CALD1: variants seen among roughly 807,000 people sequenced by gnomAD.
CALD1 encodes caldesmon.
In CALD1, 33 loss-of-function variants were observed where a neutral mutation model predicts 99.9. The observed-to-expected ratio is 0.33, with a 90% CI of 0.25 to 0.44. The LOEUF (loss-of-function observed/expected upper bound fraction) is 0.44, where lower values mean the gene tolerates loss of function less well. CALD1 is among the 20% of genes least tolerant of loss of function. The pLI is 1.00. For synonymous variants in CALD1, 310 were observed against 325.0 expected (o/e 0.95, Z 0.50); for missense variants, 861 against 962.1 (o/e 0.89, Z 1.39).
chr7:134,965,573 C>A, intron 14 of CALD1, 187 bp downstream of exon 14: 1 of 504,980 alleles, frequency 2.0e-6, no homozygotes, highest in Non-Finnish European at 3.6e-6. Context: ...GTCAGTCATA[C>A]AACATAAACG....
At chr7:134,866,054 T>C (rs1385249394) in intron 2 of CALD1, among the ~76,000 whole-genome samples, 1 of 152,216 alleles carries the variant, frequency 6.6e-6, no homozygotes, top group Non-Finnish European at 1.5e-5. Flanking sequence ...ACCCTCCCAC[T>C]GCACCTGGCA....
At chr7:134,838,045 G>A (rs1196147534) in intron 1 of CALD1, among the ~76,000 whole-genome samples, 1 of 152,154 alleles carries the variant, frequency 6.6e-6, no homozygotes, top group Non-Finnish European at 1.5e-5. Flanking sequence ...CAAAAATTCT[G>A]ACTTTCACTG....
At chr7:134,897,073 C>G (rs1294065784) in intron 3 of CALD1, among the ~76,000 whole-genome samples, 3 of 152,164 alleles carry the variant, frequency 2.0e-5, no homozygotes, top group African/African-American at 7.2e-5. Context: ...GATCTATTTC[C>G]AAGCCTAATT....
chr7:134,779,467 C>A, upstream of CALD1: 1 of 386,672 alleles, frequency 2.6e-6, no homozygotes, highest in Non-Finnish European at 4.6e-6. Context: ...CACAGGCAGG[C>A]TGCATCCACC....
intron 3 of CALD1, among the ~76,000 whole-genome samples, chr7:134,926,901 CAG>C (rs1404709829): frequency 1.3e-5 from 2 of 152,148 alleles, no homozygotes; most frequent in Admixed American, 1.3e-4. Context: ...AATATGCCAA[CAG>C]GGTGGATTTC....
At chr7:134,898,564 TG>T (rs1316960141) in intron 3 of CALD1, among the ~76,000 whole-genome samples, 2 of 152,054 alleles carry the variant, frequency 1.3e-5, no homozygotes, top group African/African-American at 4.8e-5. Flanking sequence ...CTTTTTTTTT[TG>T]GTTTTATTTT....
chr7:134,755,303 A>G (rs1796717990), intron 1 of CALD1, among the ~76,000 whole-genome samples: 1 of 152,152 alleles, frequency 6.6e-6, no homozygotes, highest in Non-Finnish European at 1.5e-5. Context: ...GCCCGGCCAC[A>G]TATTTCAAAT....
At chr7:134,846,755 A>G (rs548898186) in intron 2 of CALD1, among the ~76,000 whole-genome samples, 5 of 152,086 alleles carry the variant, frequency 3.3e-5, no homozygotes, top group African/African-American at 4.8e-5. Flanking sequence ...TCCTCACCCA[A>G]TTGTTTTAAA....
At chr7:134,869,941 G>C (rs968731988) in intron 3 of CALD1, among the ~76,000 whole-genome samples, 2 of 152,176 alleles carry the variant, frequency 1.3e-5, no homozygotes, top group African/African-American at 4.8e-5. Flanking sequence ...GCCCAATGTT[G>C]AGTGGACATG....
chr7:134,958,243 G>A lies in CALD1; in HGVS notation c.2014G>A (p.Val672Ile), dbSNP rs1284293238. The part of the protein sequence containing the change: ...GVKSTHQAAI[V>I]SKIDSRLEQY... ...CAAATCGACCCATCAAGCAGCAATAGTCTCCAAGATTGACAGCAGACTGGA... is the reference window on the plus strand; with the variant it reads ...CAAATCGACCCATCAAGCAGCAATAATCTCCAAGATTGACAGCAGACTGGA... The change falls in exon 11 of 15, where the codon GTC becomes ATC. Residue 672 changes from valine to isoleucine, a missense_variant. Physicochemically the swap from Val to Ile is conservative, Grantham distance 29 (BLOSUM62 3). This residue lies in a region of CALD1 where 190 missense variants were observed against 249.0 expected (regional missense o/e 0.76). Coordinates refer to ENST00000361675, the MANE Select transcript of CALD1 (RefSeq NM_033138.4). 11 of 1,613,910 alleles carry A rather than the reference G, an allele frequency of 6.8e-6. No individual in the cohort carries two copies. Among genetic ancestry groups the A allele is most frequent in the Non-Finnish European group, 8.5e-6 (10 of 1,179,996 alleles).
chr7:134,806,743 C>T lies in CALD1; in HGVS notation c.-130+26994C>T, dbSNP rs754416209. 6.6e-5 allele frequency among the ~76,000 whole-genome samples: 10 copies of T among 152,230 alleles called. No homozygotes were observed. In the South Asian group the frequency reaches 1.7e-3, roughly 25 times the overall value. ...GCTTGTGTGTATATTATCAATCCTT[C>T]GCCAACAATTTTTTTCTGTTAAAAA... On this transcript the variant is annotated intron_variant, in intron 1 of 14. Transcript: ENST00000361675.
intron 1 of CALD1, among the ~76,000 whole-genome samples, chr7:134,754,025 A>G (rs7784989): frequency 0.64 from 96,591 of 151,512 alleles, 31,400 homozygotes; most frequent in East Asian, 0.99. Context: ...CTCCACAGGC[A>G]GCCCTGACCA....
At chr7:134,731,288 C>T in the CALD1 span, among the ~76,000 whole-genome samples, 1 of 152,158 alleles carries the variant, frequency 6.6e-6, no homozygotes, top group African/African-American at 2.4e-5. Flanking sequence ...CATAAAAACA[C>T]TCTTCTTCCA....
At chr7:134,806,642 T>C (rs1435417758) in intron 1 of CALD1, among the ~76,000 whole-genome samples, 2 of 152,236 alleles carry the variant, frequency 1.3e-5, no homozygotes, top group Non-Finnish European at 2.9e-5. Flanking sequence ...TTAGTCCATA[T>C]TGACCAAAAG....
At chr7:134,959,783 G>GA (rs1808111400) in intron 11 of CALD1, among the ~76,000 whole-genome samples, 191 bp from the exon 12 acceptor site, 1 of 152,328 alleles carries the variant, frequency 6.6e-6, no homozygotes, top group East Asian at 1.9e-4. Flanking sequence ...TGATCTAGCT[G>GA]TGATGGTTTA....
chr7:134,890,186 T>C (rs1290594715), intron 3 of CALD1, among the ~76,000 whole-genome samples: 1 of 152,238 alleles, frequency 6.6e-6, no homozygotes, highest in Non-Finnish European at 1.5e-5. Context: ...ATTACAGGCA[T>C]GAGCCACCTC....
At chr7:134,817,534 C>A (rs770721164) in intron 1 of CALD1, among the ~76,000 whole-genome samples, 1 of 152,080 alleles carries the variant, frequency 6.6e-6, no homozygotes, top group Non-Finnish European at 1.5e-5. Flanking sequence ...ATTACAACCA[C>A]GGGGTTCCTC....
chr7:134,758,123 G>A (rs78092368), intron 1 of CALD1, among the ~76,000 whole-genome samples: 4,066 of 152,244 alleles, frequency 0.027, 172 homozygotes, highest in African/African-American at 0.093. Context: ...CACATGCTGA[G>A]TGTGCGGGTG....
intron 3 of CALD1, chr7:134,891,429 G>C (rs114103910): frequency 2.3e-6 from 3 of 1,304,556 alleles, no homozygotes; most frequent in African/African-American, 3.0e-5. Context: ...ATTTGGCTGA[G>C]GACAAGCCCA....
Sources: allele counts gnomAD v4.1 joint callset (sites outside exome capture counted in the v4.1 genomes callset), GRCh38; gene constraint gnomAD v4.1.1; regional missense constraint gnomAD v4.1.1; transcripts MANE v1.5; gene names NCBI Gene and HGNC (gene_info 2026-07-23, HGNC 2026-07-21).